CFAP74: variants seen among roughly 807,000 people sequenced by gnomAD.
CFAP74 encodes the protein cilia and flagella associated protein 74.
A neutral mutation model predicts 188.9 loss-of-function variants in CFAP74; 124 were observed. The ratio of observed to expected loss-of-function variants is 0.66; its 90% CI spans 0.57 to 0.76. The LOEUF (loss-of-function observed/expected upper bound fraction) is 0.76, where lower values mean the gene tolerates loss of function less well. CFAP74 is among the 30% of genes least tolerant of loss of function. The pLI, the probability that CFAP74 is intolerant of heterozygous loss-of-function variation, is 0.00. For synonymous variants in CFAP74, 956 were observed against 916.7 expected, an observed-to-expected ratio of 1.04 and a Z score of -0.77; for missense variants, 2,198 against 2,165.2, an observed-to-expected ratio of 1.02 and a Z score of -0.30.
At chr1:1,922,802 A>G in intron 37 of CFAP74, 79 bp from the exon 38 acceptor site, 1 of 1,520,878 alleles carries the variant, frequency 6.6e-7, no homozygotes, top group Non-Finnish European at 8.8e-7. Context: ...GAGGGTGCCC[A>G]GCTCCACTCA....
rs1224921516 is a variant in CFAP74 at position 1,942,342 on chromosome 1, T to C, written c.2487-186A>G. On this transcript the variant is annotated intron_variant, in intron 21 of 38. Coordinates refer to ENST00000682832, the MANE Select transcript of CFAP74 (RefSeq NM_001304360.2). This position sits in a 1 kb window ranked among gnomAD's most constrained non-coding sequence, Gnocchi z 4.3. Reference sequence around the variant, plus strand: ...CCTCAAAGCCCTGCTTTGTAAGGGCTGTTTTTTCTGAAATGAAATCTGATG... The same window carrying C: ...CCTCAAAGCCCTGCTTTGTAAGGGCCGTTTTTTCTGAAATGAAATCTGATG... Among the ~76,000 whole-genome samples, 1 of 152,204 alleles carries C rather than the reference T, an allele frequency of 6.6e-6. No individual in the cohort carries two copies. The highest frequency in any genetic ancestry group is 1.5e-5 in the Non-Finnish European group (1 of 68,042).
intron 16 of CFAP74, among the ~76,000 whole-genome samples, chr1:1,958,506 G>A (rs566027399): frequency 2.0e-5 from 3 of 152,214 alleles, no homozygotes; most frequent in Admixed American, 6.5e-5. Context: ...TGGCAGGTGC[G>A]GTGCGAGCTG....
At position 1,968,846 on chromosome 1, in the gene CFAP74, G is replaced by A. The variant is rs779396077; in HGVS notation, c.1047-13C>T. The A allele has an allele frequency of 1.9e-6, 3 of 1,612,926 alleles. No homozygotes were observed. The highest frequency in any genetic ancestry group is 2.2e-5 in the East Asian group (1 of 44,848). Reference sequence around the variant, plus strand: ...CTCCTCAAAGGCCCTGCGTGGAGTCGCTTCTCAGATGAGTGCAAGAGGTCC... The same window carrying A: ...CTCCTCAAAGGCCCTGCGTGGAGTCACTTCTCAGATGAGTGCAAGAGGTCC... On this transcript the variant is annotated splice_polypyrimidine_tract_variant and intron_variant, in intron 10 of 38. Transcript: ENST00000682832. This position sits in a 1 kb window ranked among gnomAD's most constrained non-coding sequence, Gnocchi z 4.3.
At chr1:1,949,335 T>A (rs574195494) in intron 18 of CFAP74, among the ~76,000 whole-genome samples, 1 of 152,048 alleles carries the variant, frequency 6.6e-6, no homozygotes, top group South Asian at 2.1e-4. Context: ...ATTTTTTGTA[T>A]TTTTAGTAGA....
chr1:1,941,725 G>A (rs899069008), intron 22 of CFAP74, among the ~76,000 whole-genome samples: 3 of 152,178 alleles, frequency 2.0e-5, no homozygotes, highest in East Asian at 3.9e-4. Context: ...GAGAGCCACC[G>A]GCCATGCATG....
intron 9 of CFAP74, among the ~76,000 whole-genome samples, chr1:1,971,593 A>G (rs1317568139): frequency 6.6e-6 from 1 of 151,948 alleles, no homozygotes; most frequent in Non-Finnish European, 1.5e-5. Context: ...TCTGCTCCTC[A>G]CCTCTGAGCC....
intron 9 of CFAP74, among the ~76,000 whole-genome samples, chr1:1,971,415 ATGCACACACACATGCAAACG>A (rs965404734): frequency 2.0e-5 from 3 of 151,512 alleles, no homozygotes; most frequent in Admixed American, 6.6e-5. Flanking sequence ...ACATGCACAC[ATGCACACACACATGCAAACG>A]TGCACACACA....
In CFAP74 at chr1:1,988,887, A is replaced by T; in HGVS notation, c.152+2T>A. ...ACCTCCACCCCCGATCCTCCGAGTT[A>T]CCTGCTGTGTCCCGGGTCCACGTCA... is the stretch of plus-strand genomic sequence containing the variant. On this transcript the variant is annotated splice_donor_variant, in intron 3 of 38. Transcript: ENST00000682832. LOFTEE classifies it high-confidence loss of function. The T allele has an allele frequency of 7.7e-7, 1 of 1,303,768 alleles. No individual in the cohort carries two copies. Among genetic ancestry groups the T allele is most frequent in the Non-Finnish European group, 1.0e-6 (1 of 971,706 alleles). 80.8% of individuals were successfully genotyped at this position (1,303,768 alleles called of 1,614,324 possible). A position where few individuals can be genotyped will look rare whatever the true frequency, so the allele number is the denominator to read the frequency against.
chr1:1,994,318 G>A (rs1255050499), intron 1 of CFAP74, among the ~76,000 whole-genome samples: 1 of 152,050 alleles, frequency 6.6e-6, no homozygotes, highest in Non-Finnish European at 1.5e-5. Context: ...TTATGTATGA[G>A]ATGCTAAAAC....
At chr1:1,925,967 A>G in intron 32 of CFAP74, 29 bp from the exon 33 acceptor site, 1 of 1,561,870 alleles carries the variant, frequency 6.4e-7, no homozygotes, top group Non-Finnish European at 8.7e-7. Context: ...TCAGCCAGGA[A>G]CCGATGTCTG....
intron 18 of CFAP74, chr1:1,955,209 C>G (rs988504472): frequency 7.8e-7 from 1 of 1,289,188 alleles, no homozygotes; most frequent in South Asian, 1.2e-5. Flanking sequence ...TGTGGGAAAA[C>G]GATCAAGAGA....
At position 1,926,757 on chromosome 1, in the gene CFAP74, G is replaced by C. The variant is rs113634649; in HGVS notation, c.3667C>G (p.His1223Asp). ...KGSEPLSFSPHNTLYLELWCP... is the reference protein window; with the variant it reads ...KGSEPLSFSPDNTLYLELWCP... Reference sequence around the variant, plus strand: ...CACAGCTCCAGGTACAGGGTGTTGTGGGGGCTGGGATAGGAAGGGCATGCT... The same window carrying C: ...CACAGCTCCAGGTACAGGGTGTTGTCGGGGCTGGGATAGGAAGGGCATGCT... The change falls in exon 30 of 39, where the codon CAC (histidine) becomes GAC (aspartate). Residue 1223 changes from histidine (H) to aspartate (D), a missense_variant. Physicochemically the swap from His to Asp is moderately conservative, Grantham distance 81 (BLOSUM62 -1). Coordinates refer to ENST00000682832, the MANE Select transcript of CFAP74 (RefSeq NM_001304360.2). 144 of 1,550,046 alleles carry C rather than the reference G, an allele frequency of 9.3e-5. 1 individual carries two copies. In the African/African-American group the frequency reaches 1.3e-3, roughly 14 times the overall value.
chr1:1,989,021 A>C, intron 2 of CFAP74, 48 bp from the exon 3 acceptor site: 2 of 956,824 alleles, frequency 2.1e-6, no homozygotes, highest in Non-Finnish European at 3.2e-6. Flanking sequence ...CAGATCAAAC[A>C]TTTGCATCTG....
chr1:1,991,028 C>T lies in CFAP74; in HGVS notation c.-19-53G>A, dbSNP rs576697662. The T allele has an allele frequency of 1.6e-4, 204 of 1,237,080 alleles. 2 individuals are homozygous for T. Among genetic ancestry groups the T allele is most frequent in the African/African-American group, 6.7e-4 (44 of 65,684 alleles). The allele number at this position is 1,237,080 out of a possible 1,614,324, so 76.6% of individuals were successfully genotyped here. A position where few individuals can be genotyped will look rare whatever the true frequency, so the allele number is the denominator to read the frequency against. ...TCAATAAAATCATAGATTTAAAAGA[C>T]GGTGAATTAACCATTTCTCTTAAAG... is the stretch of plus-strand genomic sequence containing the variant. On this transcript the variant is annotated intron_variant, in intron 1 of 38. Coordinates refer to ENST00000682832, the MANE Select transcript of CFAP74 (RefSeq NM_001304360.2).
At chr1:1,999,324 C>T (rs1043053640) in intron 1 of CFAP74, among the ~76,000 whole-genome samples, 4 of 152,094 alleles carry the variant, frequency 2.6e-5, no homozygotes, top group African/African-American at 7.2e-5. Context: ...ACATCTTTGT[C>T]GGCACCCACC....
At chr1:1,988,823 C>T (rs1657400144) in intron 3 of CFAP74, 66 bp downstream of exon 3, 3 of 487,830 alleles carry the variant, frequency 6.1e-6, no homozygotes, top group African/African-American at 2.5e-5. Context: ...CCTTCACCCA[C>T]CCCCCCACCC....
At chr1:1,929,987 C>G in intron 26 of CFAP74, 73 bp downstream of exon 26, 1 of 1,433,846 alleles carries the variant, frequency 7.0e-7, no homozygotes, top group Non-Finnish European at 9.2e-7. Flanking sequence ...TGGGCAGAGC[C>G]AGACACCCCA....
rs369671899 is a variant in CFAP74, at chr1:1,964,480, G to A, written c.1575+408C>T. ...CTGTGCCTCCTGAGGAAGCCCCCGG[G>A]TTTTCCAGCGTTAAAAAGCGAAAGG... On this transcript the variant is annotated intron_variant, in intron 13 of 38. Transcript: ENST00000682832. 3.9e-5 allele frequency among the ~76,000 whole-genome samples: 6 copies of A among 152,356 alleles called. No individual in the cohort carries two copies. In the East Asian group the frequency reaches 5.8e-4, roughly 15 times the overall value.
At chr1:1,991,658 C>T (rs1003210075) in intron 1 of CFAP74, among the ~76,000 whole-genome samples, 6 of 151,962 alleles carry the variant, frequency 3.9e-5, no homozygotes, top group African/African-American at 1.5e-4. Context: ...ATACAAATGG[C>T]CAATATGCAT....
Sources: allele counts gnomAD v4.1 joint callset (sites outside exome capture counted in the v4.1 genomes callset), GRCh38; gene constraint gnomAD v4.1.1; non-coding constraint Gnocchi (gnomAD v3.1); transcripts MANE v1.5; gene names NCBI Gene and HGNC (gene_info 2026-07-23, HGNC 2026-07-21).